The following STXBP5L variants were observed in gnomAD, a reference collection of about 807,000 sequenced individuals.
The protein encoded by STXBP5L is syntaxin-binding protein 5-like.
STXBP5L carries 65 observed loss-of-function variants against 144.5 expected under a neutral mutation model. The observed-to-expected ratio is 0.45, with a 90% CI of 0.37 to 0.55. The LOEUF is 0.55. Ranked by LOEUF, STXBP5L falls within the 20% of genes least tolerant of loss-of-function variation. The pLI is 0.00. For missense variants in STXBP5L, 1,298 were observed against 1,405.5 expected (o/e 0.92, Z 1.22); for synonymous variants, 505 against 469.6 (o/e 1.08, Z -0.97).
intron 18 of STXBP5L, among the ~76,000 whole-genome samples, chr3:121,264,173 A>G (rs2050476814): frequency 6.6e-6 from 1 of 152,210 alleles, no homozygotes; most frequent in Non-Finnish European, 1.5e-5. Flanking sequence ...TCTTAAAGAA[A>G]AGAATTTTCA....
At chr3:121,179,700 G>T (rs2047066785) in intron 9 of STXBP5L, among the ~76,000 whole-genome samples, 1 of 152,058 alleles carries the variant, frequency 6.6e-6, no homozygotes, top group Non-Finnish European at 1.5e-5. Context: ...GTAGGATATG[G>T]ATGAAAAATT....
chr3:121,373,686 G>A (rs1483709592), intron 20 of STXBP5L, among the ~76,000 whole-genome samples: 2 of 152,070 alleles, frequency 1.3e-5, no homozygotes, highest in East Asian at 1.9e-4. Context: ...AGGGGAGCAG[G>A]GATCAGCCTG....
At chr3:121,141,655 G>GTT (rs1451224629) in intron 7 of STXBP5L, among the ~76,000 whole-genome samples, 1 of 152,126 alleles carries the variant, frequency 6.6e-6, no homozygotes, top group Admixed American at 6.6e-5. Flanking sequence ...GGGAAGAGAA[G>GTT]TTTAAGTGTA....
chr3:120,914,544 G>T (rs1709009722), intron 2 of STXBP5L, among the ~76,000 whole-genome samples: 1 of 152,032 alleles, frequency 6.6e-6, no homozygotes, highest in Admixed American at 6.6e-5. Flanking sequence ...GATGAAAGGA[G>T]ATTAAATGCC....
chr3:120,961,835 TGAG>T (rs1938866878), intron 3 of STXBP5L, among the ~76,000 whole-genome samples: 2 of 152,230 alleles, frequency 1.3e-5, no homozygotes. Flanking sequence ...TCTAGATCCT[TGAG>T]GAATCGCCAC....
chr3:121,030,061 C>T (rs1407532091), intron 3 of STXBP5L, among the ~76,000 whole-genome samples: 2 of 152,088 alleles, frequency 1.3e-5, no homozygotes, highest in Non-Finnish European at 2.9e-5. Context: ...GAAATAGGAA[C>T]ACTTTTACAC....
intron 3 of STXBP5L, among the ~76,000 whole-genome samples, chr3:121,026,246 C>G (rs562249441): frequency 1.3e-5 from 2 of 151,630 alleles, no homozygotes; most frequent in Non-Finnish European, 2.9e-5. Flanking sequence ...TTTAATAACT[C>G]AAGTTAATTC....
chr3:121,294,090 T>C (rs1306235930), intron 19 of STXBP5L, among the ~76,000 whole-genome samples: 2 of 152,246 alleles, frequency 1.3e-5, no homozygotes, highest in Non-Finnish European at 1.5e-5. Flanking sequence ...CTTTGATTTA[T>C]GCTATAAATA....
intron 22 of STXBP5L, among the ~76,000 whole-genome samples, chr3:121,396,118 T>C (rs545310179): frequency 1.6e-4 from 25 of 152,256 alleles, no homozygotes; most frequent in Admixed American, 3.9e-4. Flanking sequence ...TCTTTGCAGC[T>C]GGTTTCTGTA....
At chr3:120,974,042 T>A (rs1004206281) in intron 3 of STXBP5L, among the ~76,000 whole-genome samples, 1 of 151,170 alleles carries the variant, frequency 6.6e-6, no homozygotes, top group African/African-American at 2.4e-5. Context: ...TTTATAGTCC[T>A]TTGGGTATAT....
chr3:121,034,880 C>A (rs911287653), intron 3 of STXBP5L, among the ~76,000 whole-genome samples: 6 of 152,108 alleles, frequency 3.9e-5, no homozygotes, highest in Non-Finnish European at 8.8e-5. Flanking sequence ...TCCTTGCCAA[C>A]ATGTTATTTT....
rs2043249044 is a variant in STXBP5L, at chr3:121,098,558, A to G, written c.471-16367A>G. 2.0e-5 allele frequency among the ~76,000 whole-genome samples: 3 copies of G among 152,206 alleles called. No homozygotes were observed. The East Asian group carries it at 5.8e-4, about 29-fold the overall frequency. ...TGACCCAAACACTATACCCATTTCC[A>G]ACATCAGACATCACATTTCAACATG... On this transcript the variant is annotated intron_variant, in intron 5 of 26. Transcript: ENST00000471454.
chr3:121,331,735 G>C (rs1264984014), intron 20 of STXBP5L, among the ~76,000 whole-genome samples: 2 of 152,060 alleles, frequency 1.3e-5, no homozygotes, highest in East Asian at 3.9e-4. Flanking sequence ...GCTACATCTG[G>C]TTTTTACCCC....
intron 4 of STXBP5L, among the ~76,000 whole-genome samples, chr3:121,044,383 C>A (rs1947365534): frequency 6.6e-6 from 1 of 152,040 alleles, no homozygotes; most frequent in South Asian, 2.1e-4. Context: ...TATCTTCTCT[C>A]TTCTAATTCC....
chr3:121,383,134 AAT>A (rs2046355864), intron 22 of STXBP5L, among the ~76,000 whole-genome samples: 1 of 151,900 alleles, frequency 6.6e-6, no homozygotes, highest in African/African-American at 2.4e-5. Flanking sequence ...AATTTTTTTA[AAT>A]ATATATATTT....
At chr3:121,129,929 T>A (rs1377518606) in intron 7 of STXBP5L, among the ~76,000 whole-genome samples, 1 of 152,062 alleles carries the variant, frequency 6.6e-6, no homozygotes, top group Non-Finnish European at 1.5e-5. Context: ...ACAGAGCATC[T>A]CCTCTAAATT....
At chr3:121,144,620 T>A (rs1281512436) in intron 7 of STXBP5L, among the ~76,000 whole-genome samples, 3 of 151,904 alleles carry the variant, frequency 2.0e-5, no homozygotes, top group African/African-American at 7.2e-5. Context: ...TTTCTGGATA[T>A]TTATACAAGA....
At chr3:121,274,302 C>T (rs2050815577) in intron 18 of STXBP5L, among the ~76,000 whole-genome samples, 1 of 152,188 alleles carries the variant, frequency 6.6e-6, no homozygotes, top group Admixed American at 6.5e-5. Context: ...AAGAAAGACA[C>T]AGGTATGGTC....
intron 10 of STXBP5L, among the ~76,000 whole-genome samples, chr3:121,206,506 T>C (rs1052560084): frequency 9.9e-5 from 15 of 152,192 alleles, no homozygotes; most frequent in African/African-American, 3.4e-4. Context: ...AATATTATTT[T>C]GTGTTTAAAG....
Sources: allele counts gnomAD v4.1 joint callset (sites outside exome capture counted in the v4.1 genomes callset), GRCh38; gene constraint gnomAD v4.1.1; transcripts MANE v1.5; gene names NCBI Gene and HGNC (gene_info 2026-07-23, HGNC 2026-07-21).